Variants in KYAT1 observed in about 807,000 individuals in gnomAD.
KYAT1 encodes kynurenine aminotransferase 1.
In KYAT1, 47 loss-of-function variants were observed where a neutral mutation model predicts 52.4. The ratio of observed to expected loss-of-function variants is 0.90; its 90% CI spans 0.71 to 1.14. The LOEUF (loss-of-function observed/expected upper bound fraction) is 1.14, where lower values mean the gene tolerates loss of function less well. KYAT1 is among the 50% of genes most tolerant of loss of function. The pLI, the probability that KYAT1 is intolerant of heterozygous loss-of-function variation, is 0.00. For synonymous variants in KYAT1, 212 were observed against 209.6 expected (o/e 1.01, Z -0.10); for missense variants, 480 against 557.9 (o/e 0.86, Z 1.41).
chr9:128,846,421 CTCAG>C (rs1833101217), intron 1 of KYAT1, among the ~76,000 whole-genome samples: 1 of 151,694 alleles, frequency 6.6e-6, no homozygotes, highest in Non-Finnish European at 1.5e-5. Flanking sequence ...TAGAGTGAAA[CTCAG>C]TCTGGGAAAA....
intron 8 of KYAT1, 33 bp downstream of exon 8, chr9:128,835,964 G>C: frequency 6.2e-7 from 1 of 1,603,208 alleles, no homozygotes; most frequent in Non-Finnish European, 8.5e-7. Flanking sequence ...GGATCTTGCA[G>C]GGGGTGGTGA....
In KYAT1 at chr9:128,835,669, T is replaced by A. The variant is rs1464156253; in HGVS notation, c.856-2A>T. 1.9e-6 allele frequency: 3 copies of A among 1,609,168 alleles called. No homozygotes were observed. The highest frequency in any genetic ancestry group is 2.5e-6 in the Non-Finnish European group (3 of 1,179,422). On this transcript the variant is annotated splice_acceptor_variant, in intron 9 of 12. Transcript: ENST00000302586. LOFTEE classifies it high-confidence loss of function. ...TTCAAAGCTCTCGGCTACTGCAGCC[T>A]GGGCAGGGCAGATGGACACACAGAT...
chr9:128,836,222 T>C, intron 7 of KYAT1, 149 bp from the exon 8 acceptor site: 1 of 560,246 alleles, frequency 1.8e-6, no homozygotes, highest in Non-Finnish European at 3.1e-6. Flanking sequence ...TTTTCTTTCT[T>C]TCTTCCTTTC....
chr9:128,852,920 AAATAG>A (rs1043446581), intron 1 of KYAT1, among the ~76,000 whole-genome samples: 5 of 152,212 alleles, frequency 3.3e-5, no homozygotes, highest in African/African-American at 9.6e-5. Context: ...CAGCACAAGT[AAATAG>A]AATAGATCAT....
chr9:128,847,660 C>T (rs1588086128), intron 1 of KYAT1: 1 of 575,336 alleles, frequency 1.7e-6, no homozygotes, highest in Non-Finnish European at 3.1e-6. Flanking sequence ...ATAACAACAA[C>T]AACAACAACA....
intron 1 of KYAT1, chr9:128,846,711 G>C (rs1436059393): frequency 1.3e-6 from 2 of 1,533,580 alleles, no homozygotes; most frequent in Admixed American, 2.0e-5. Flanking sequence ...AGGTAATTTG[G>C]CTCCTCCTGT....
chr9:128,843,471 C>T (rs958866096), intron 2 of KYAT1, among the ~76,000 whole-genome samples: 2 of 151,948 alleles, frequency 1.3e-5, no homozygotes, highest in South Asian at 4.2e-4. Flanking sequence ...CTCCGCCTCC[C>T]GAGGTCAAGC....
At chr9:128,835,020 C>T (rs1429151088) in intron 11 of KYAT1, among the ~76,000 whole-genome samples, 1 of 151,586 alleles carries the variant, frequency 6.6e-6, no homozygotes, top group Non-Finnish European at 1.5e-5. Context: ...GCCTGTGGTC[C>T]CAGCTACTCG....
At position 128,865,344 on chromosome 9, in the gene KYAT1, TATATATATA is replaced by T. The variant is rs1836171061; in HGVS notation, c.-7+16544_-7+16552del. Among the ~76,000 whole-genome samples, 5 of 7,002 alleles carry T rather than the reference TATATATATA, an allele frequency of 7.1e-4. 1 individual carries two copies. The highest frequency in any genetic ancestry group is 1.1e-3 in the African/African-American group (2 of 1,820). The allele number at this position is 7,002 out of a possible 152,430, so 4.6% of individuals were successfully genotyped here. On this transcript the variant is annotated intron_variant, in intron 1 of 12. Transcript: ENST00000302586. ...ATATATATATATATATATATATATA[TATATATATA>T]TATATATTTTTTTTTTTTTTTTTTT... is the stretch of plus-strand genomic sequence containing the variant.
chr9:128,835,084 C>T, intron 11 of KYAT1: 1 of 507,734 alleles, frequency 2.0e-6, no homozygotes, highest in Non-Finnish European at 3.6e-6. Context: ...TTGCAGTGAG[C>T]CAAGATCGCG....
At chr9:128,837,647 G>A (rs1282329220) in intron 6 of KYAT1, 38 bp downstream of exon 6, 1 of 1,612,354 alleles carries the variant, frequency 6.2e-7, no homozygotes, top group Non-Finnish European at 8.5e-7. Context: ...GACATGACCA[G>A]GTCCGCAGGG....
At chr9:128,838,194 T>A in intron 4 of KYAT1, 24 bp downstream of exon 4, 1 of 1,614,132 alleles carries the variant, frequency 6.2e-7, no homozygotes. Context: ...TCAGTCCCAC[T>A]CAGCCCAAGT....
intron 1 of KYAT1, among the ~76,000 whole-genome samples, chr9:128,849,956 C>T (rs1054346020): frequency 2.8e-5 from 4 of 144,278 alleles, no homozygotes; most frequent in African/African-American, 1.0e-4. Context: ...GCCTTCTCAG[C>T]TCACTGCAGC....
At chr9:128,857,335 CTT>C (rs1834793768) in intron 1 of KYAT1, among the ~76,000 whole-genome samples, 17 of 152,184 alleles carry the variant, frequency 1.1e-4, no homozygotes, top group Non-Finnish European at 2.1e-4. Context: ...TGATATGCTG[CTT>C]GCCAGTCTCC....
At position 128,857,602 on chromosome 9, in the gene KYAT1, C is replaced by T. The variant is rs1457910179; in HGVS notation, c.-6-12191G>A. ...CTGTAATCCCAGCACTTTGGGAGGC[C>T]AGGGCAGGCGGATCATAAGGTCAGG... On this transcript the variant is annotated intron_variant, in intron 1 of 12. Coordinates refer to ENST00000302586, the MANE Select transcript of KYAT1 (RefSeq NM_004059.5). 2.0e-5 allele frequency among the ~76,000 whole-genome samples: 3 copies of T among 151,794 alleles called. No individual in the cohort carries two copies. In the East Asian group the frequency reaches 5.8e-4, roughly 30 times the overall value.
intron 1 of KYAT1, among the ~76,000 whole-genome samples, chr9:128,845,681 C>T (rs907676116): frequency 5.3e-5 from 8 of 152,200 alleles, no homozygotes; most frequent in African/African-American, 1.9e-4. Flanking sequence ...GTGGAGACTT[C>T]CAGCCCTGGC....
intron 1 of KYAT1, among the ~76,000 whole-genome samples, chr9:128,848,277 A>G (rs1317526820): frequency 2.8e-5 from 4 of 143,502 alleles, no homozygotes; most frequent in Non-Finnish European, 6.0e-5. Context: ...CCATGATCCC[A>G]CCACTGCACT....
intron 1 of KYAT1, among the ~76,000 whole-genome samples, chr9:128,876,542 C>T (rs1361041406): frequency 2.0e-5 from 3 of 151,656 alleles, no homozygotes; most frequent in Middle Eastern, 3.4e-3. Context: ...CTCAGCCTCC[C>T]GAGTAGCTGG....
At chr9:128,865,322 TATATATATATATATATATATA>T (rs1836074947) in intron 1 of KYAT1, among the ~76,000 whole-genome samples, 1 of 958 alleles carries the variant, frequency 1.0e-3, no homozygotes, top group Non-Finnish European at 3.2e-3. Context: ...TATATATATA[TATATATATATATATATATATA>T]TATATATATA....
Sources: gnomAD v4.1 joint callset for allele counts (sites outside exome capture counted in the v4.1 genomes callset) on GRCh38, gnomAD v4.1.1 for gene constraint, MANE v1.5 for transcripts, NCBI Gene and HGNC (gene_info 2026-07-23, HGNC 2026-07-21) for gene names.